Variants in DPP10 observed in about 807,000 individuals in gnomAD.
DPP10 encodes inactive dipeptidyl peptidase 10.
Under a neutral mutation model 120.9 loss-of-function variants are expected in DPP10, and 33 were observed. The observed-to-expected ratio is 0.27, with a 90% CI of 0.21 to 0.37. The LOEUF is 0.37. DPP10 is among the 10% of genes least tolerant of loss of function. The pLI is 1.00. For synonymous variants in DPP10, 337 were observed against 326.1 expected, an observed-to-expected ratio of 1.03 and a Z score of -0.36; for missense variants, 816 against 942.8, an observed-to-expected ratio of 0.87 and a Z score of 1.76.
In DPP10 at chr2:114,715,746, T is replaced by C. The variant is rs1315532310; in HGVS notation, c.60+272908T>C. Among the ~76,000 whole-genome samples the C allele has an allele frequency of 2.0e-5, 3 of 151,986 alleles. No individual in the cohort carries two copies. The South Asian group carries it at 6.2e-4, about 32-fold the overall frequency. ...ACACAGTCACACAGAGACACACACA[T>C]CCAGACATCACCTCCCACACACAAA... On this transcript the variant is annotated intron_variant, in intron 1 of 25. Coordinates refer to ENST00000410059, the MANE Select transcript of DPP10 (RefSeq NM_020868.6).
intron 1 of DPP10, among the ~76,000 whole-genome samples, chr2:114,744,648 G>A (rs756349553): frequency 2.6e-5 from 4 of 152,216 alleles, no homozygotes; most frequent in Admixed American, 6.5e-5. Flanking sequence ...AGGGATAGGC[G>A]AGCTATGACC....
At chr2:115,135,314 C>T (rs1482330681) in intron 1 of DPP10, among the ~76,000 whole-genome samples, 1 of 151,324 alleles carries the variant, frequency 6.6e-6, no homozygotes, top group Non-Finnish European at 1.5e-5. Context: ...GCTTTTTAAC[C>T]TTCCTTCCTT....
chr2:115,803,942 G>A (rs1277704325), intron 19 of DPP10, among the ~76,000 whole-genome samples: 2 of 152,054 alleles, frequency 1.3e-5, no homozygotes, highest in Non-Finnish European at 2.9e-5. Context: ...TATCTTTGTG[G>A]CATTCTCTGT....
At chr2:115,071,745 G>A (rs898916207) in intron 1 of DPP10, among the ~76,000 whole-genome samples, 8 of 152,084 alleles carry the variant, frequency 5.3e-5, no homozygotes, top group South Asian at 2.1e-4. Context: ...AGGTGAGGGC[G>A]TGGCTGAGGC....
chr2:114,503,320 G>C (rs1683358666), intron 1 of DPP10, among the ~76,000 whole-genome samples: 1 of 152,164 alleles, frequency 6.6e-6, no homozygotes, highest in South Asian at 2.1e-4. Context: ...AAAATGACTG[G>C]AAAAGTGGCT....
chr2:115,502,317 G>A (rs2076722898), intron 4 of DPP10, among the ~76,000 whole-genome samples: 1 of 152,032 alleles, frequency 6.6e-6, no homozygotes, highest in Admixed American at 6.6e-5. Flanking sequence ...GCATTCTTTT[G>A]GATTGAAGGT....
chr2:115,131,559 TA>T (rs2104790150), intron 1 of DPP10, among the ~76,000 whole-genome samples: 1 of 151,980 alleles, frequency 6.6e-6, no homozygotes, highest in South Asian at 2.1e-4. Context: ...AGCAAAAATA[TA>T]GCAAAAAAAG....
intron 2 of DPP10, among the ~76,000 whole-genome samples, chr2:115,331,968 T>C (rs976787077): frequency 1.3e-5 from 2 of 152,190 alleles, no homozygotes; most frequent in African/African-American, 4.8e-5. Context: ...TCTCTCTTTT[T>C]CTGTTGATTG....
At chr2:115,391,494 G>C (rs1182068665) in intron 3 of DPP10, among the ~76,000 whole-genome samples, 1 of 152,118 alleles carries the variant, frequency 6.6e-6, no homozygotes, top group African/African-American at 2.4e-5. Flanking sequence ...ACATGAGTTG[G>C]TGTCAGACGA....
chr2:115,256,832 A>G (rs949503362), intron 1 of DPP10, among the ~76,000 whole-genome samples: 6 of 152,174 alleles, frequency 3.9e-5, no homozygotes, highest in Admixed American at 6.5e-5. Flanking sequence ...AACATCAATT[A>G]TTTGCTCCTG....
intron 1 of DPP10, among the ~76,000 whole-genome samples, chr2:114,928,458 T>C (rs1695807970): frequency 6.6e-6 from 1 of 152,218 alleles, no homozygotes; most frequent in African/African-American, 2.4e-5. Flanking sequence ...TGACTACATG[T>C]CCCACATCCT....
intron 1 of DPP10, among the ~76,000 whole-genome samples, chr2:114,684,547 T>C (rs533112243): frequency 1.3e-5 from 2 of 152,088 alleles, no homozygotes; most frequent in African/African-American, 4.8e-5. Flanking sequence ...TTGTTAAAGG[T>C]CCCTGGTTGG....
chr2:114,959,057 T>G (rs1698420652), intron 1 of DPP10, among the ~76,000 whole-genome samples: 2 of 152,082 alleles, frequency 1.3e-5, no homozygotes, highest in Non-Finnish European at 2.9e-5. Flanking sequence ...TTTGGTTTGT[T>G]TTTGTTTTTG....
At chr2:114,993,370 T>G (rs1479429462) in intron 1 of DPP10, among the ~76,000 whole-genome samples, 2 of 151,798 alleles carry the variant, frequency 1.3e-5, no homozygotes, top group Non-Finnish European at 2.9e-5. Flanking sequence ...AATACTTTTT[T>G]TTTTTTCCAC....
intron 1 of DPP10, among the ~76,000 whole-genome samples, chr2:115,081,069 C>A (rs2104496467): frequency 6.6e-6 from 1 of 152,146 alleles, no homozygotes; most frequent in Admixed American, 6.5e-5. Flanking sequence ...GTCTTTTTTT[C>A]CCCCAGCAGT....
chr2:115,589,447 C>G (rs1233529573), intron 5 of DPP10, among the ~76,000 whole-genome samples: 1 of 152,086 alleles, frequency 6.6e-6, no homozygotes, highest in East Asian at 1.9e-4. Flanking sequence ...AGGGAAAGAA[C>G]CTGAGATCAC....
chr2:115,277,576 C>A (rs2059972299), intron 1 of DPP10, among the ~76,000 whole-genome samples: 1 of 147,594 alleles, frequency 6.8e-6, no homozygotes, highest in Admixed American at 6.9e-5. Flanking sequence ...TCAGTTGTTA[C>A]CTCTCCTTGA....
At chr2:115,051,702 T>G (rs1183236834) in intron 1 of DPP10, among the ~76,000 whole-genome samples, 1 of 152,148 alleles carries the variant, frequency 6.6e-6, no homozygotes, top group Admixed American at 6.5e-5. Flanking sequence ...AAAGACAATT[T>G]ATGGCAGTAA....
chr2:115,811,802 C>T (rs17655300), intron 19 of DPP10, among the ~76,000 whole-genome samples: 4,286 of 152,184 alleles, frequency 0.028, 99 homozygotes, highest in Non-Finnish European at 0.043. Flanking sequence ...GGGATTACCT[C>T]TGACATAAGA....
Sources: gnomAD v4.1 joint callset for allele counts (sites outside exome capture counted in the v4.1 genomes callset) on GRCh38, gnomAD v4.1.1 for gene constraint, MANE v1.5 for transcripts, NCBI Gene and HGNC (gene_info 2026-07-23, HGNC 2026-07-21) for gene names.